The following TG variants were observed in gnomAD, a reference collection of about 807,000 sequenced individuals.
The protein encoded by TG is thyroglobulin, also known as thyroid hormones.
Under a neutral mutation model 324.7 loss-of-function variants are expected in TG, and 270 were observed. That is an observed-to-expected ratio of 0.83 (90% CI 0.75 to 0.92). The LOEUF (loss-of-function observed/expected upper bound fraction) is 0.92. Ranked by LOEUF, TG falls within the 40% of genes least tolerant of loss-of-function variation. TG has a pLI of 0.00. For missense variants in TG, 3,591 were observed against 3,456.4 expected, an observed-to-expected ratio of 1.04 and a Z score of -0.98; for synonymous variants, 1,401 against 1,327.0, an observed-to-expected ratio of 1.06 and a Z score of -1.21.
intron 34 of TG, among the ~76,000 whole-genome samples, chr8:132,973,757 T>C (rs1248185851): frequency 6.6e-6 from 1 of 152,084 alleles, no homozygotes; most frequent in Non-Finnish European, 1.5e-5. Flanking sequence ...ATGTCCCAGA[T>C]CCAAAAAGAT....
At chr8:132,959,865 T>C (rs554273743) in intron 27 of TG, among the ~76,000 whole-genome samples, 1 of 152,326 alleles carries the variant, frequency 6.6e-6, no homozygotes, top group African/African-American at 2.4e-5. Context: ...TTTGTTTTGT[T>C]TTAGGTTTTT....
intron 35 of TG, chr8:133,001,834 C>T: frequency 1.0e-6 from 1 of 985,490 alleles, no homozygotes; most frequent in Non-Finnish European, 1.2e-6. Context: ...TTCAGAATGT[C>T]ACGGTTTACC....
chr8:132,929,428 G>T (rs186179075), intron 23 of TG, among the ~76,000 whole-genome samples: 471 of 152,288 alleles, frequency 3.1e-3, no homozygotes, highest in South Asian at 0.012. Flanking sequence ...GAGTAGAAAT[G>T]AACAAAATTA....
chr8:132,917,352 G>A (rs974873179), intron 20 of TG, among the ~76,000 whole-genome samples: 2 of 151,696 alleles, frequency 1.3e-5, no homozygotes. Context: ...GCTCAGACAA[G>A]AGCAGACAGA....
At chr8:133,010,868 G>A (rs1834446152) in intron 35 of TG, among the ~76,000 whole-genome samples, 2 of 152,176 alleles carry the variant, frequency 1.3e-5, no homozygotes, top group African/African-American at 4.8e-5. Context: ...ACAGGACTAG[G>A]GAGGCAGCAC....
At chr8:132,919,628 T>C in intron 21 of TG, 103 bp downstream of exon 21, 1 of 1,531,988 alleles carries the variant, frequency 6.5e-7, no homozygotes, top group Non-Finnish European at 8.9e-7. Context: ...GGACAGATAA[T>C]TCTTTGTGCA....
chr8:133,075,315 G>C lies in TG; in HGVS notation c.7240-19729G>C, dbSNP rs73346752. 8.4e-3 allele frequency among the ~76,000 whole-genome samples: 1,279 copies of C among 152,264 alleles called. 24 individuals carry two copies. Among genetic ancestry groups the C allele is most frequent in the African/African-American group, 0.028 (1,180 of 41,528 alleles). On this transcript the variant is annotated intron_variant, in intron 41 of 47. Coordinates refer to ENST00000220616, the MANE Select transcript of TG (RefSeq NM_003235.5). ...CTGGGCCCACGAAGGCTGTGGCTAA[G>C]AGCTGCAGCTTCTCTGATTTCGGTT...
chr8:133,071,315 C>T (rs1442766169), intron 41 of TG, among the ~76,000 whole-genome samples: 2 of 152,160 alleles, frequency 1.3e-5, no homozygotes, highest in Non-Finnish European at 2.9e-5. Flanking sequence ...TCGGAGTTTG[C>T]CCAGCTGGAA....
intron 20 of TG, among the ~76,000 whole-genome samples, chr8:132,916,549 T>A (rs1820310936): frequency 6.6e-6 from 1 of 152,242 alleles, no homozygotes; most frequent in African/African-American, 2.4e-5. Flanking sequence ...CTCTGTGTCA[T>A]CCTGGAGGAG....
chr8:132,969,287 T>C (rs536182276), intron 31 of TG, among the ~76,000 whole-genome samples, 171 bp from the exon 32 acceptor site: 1 of 152,316 alleles, frequency 6.6e-6, no homozygotes, highest in East Asian at 1.9e-4. Flanking sequence ...TTTGTCCCTG[T>C]GGACTTGCCA....
intron 44 of TG, among the ~76,000 whole-genome samples, chr8:133,115,020 C>T (rs1850561545): frequency 6.6e-6 from 1 of 152,174 alleles, no homozygotes; most frequent in African/African-American, 2.4e-5. Flanking sequence ...CTGGGCTGGA[C>T]CATAAGAACT....
chr8:132,886,568 C>G lies in TG; in HGVS notation c.1196C>G (p.Pro399Arg). The G allele has an allele frequency of 1.2e-6, 2 of 1,614,218 alleles. No homozygotes were observed. Among genetic ancestry groups the G allele is most frequent in the Non-Finnish European group, 1.7e-6 (2 of 1,180,052 alleles). ...TCCCCAGAGAAAAGATGGGCCTCTC[C>G]AAGAGTAGCCAGATTTGCCACATCC... ...FSSPEKRWAS[P>R]RVARFATSCP... The change falls in exon 9 of 48, where the codon CCA becomes CGA. Residue 399 changes from proline (P) to arginine (R), a missense_variant. By Grantham distance (103) the Pro-to-Arg change is moderately radical. Coordinates refer to ENST00000220616, the MANE Select transcript of TG (RefSeq NM_003235.5).
At chr8:132,992,557 C>T (rs2130776945) in intron 35 of TG, among the ~76,000 whole-genome samples, 1 of 152,312 alleles carries the variant, frequency 6.6e-6, no homozygotes, top group South Asian at 2.1e-4. Context: ...TTTCATAGCA[C>T]TCATTCCACC....
intron 29 of TG, 65 bp from the exon 30 acceptor site, chr8:132,966,495 T>G: frequency 1.3e-6 from 2 of 1,581,928 alleles, no homozygotes; most frequent in Non-Finnish European, 8.7e-7. Context: ...TGTTTCTTTC[T>G]TGTGTTTTTC....
chr8:133,096,251 G>A lies in TG; in HGVS notation c.7450G>A (p.Asp2484Asn), dbSNP rs766152332. The A allele has an allele frequency of 1.1e-4, 179 of 1,614,088 alleles. 1 individual carries two copies. Among genetic ancestry groups the A allele is most frequent in the Middle Eastern group, 1.6e-4 (1 of 6,084 alleles). Residue 2484 changes from aspartate (D) to asparagine (N), a missense_variant, in exon 43 of 48, where the codon GAT (aspartate) becomes AAT (asparagine). Coordinates refer to ENST00000220616, the MANE Select transcript of TG (RefSeq NM_003235.5). ...TTTCCACTACTGGGGTCCTGTGATC[G>A]ATGGCCACTTCCTCCGTGAGCCTCC... ...GPFHYWGPVI[D>N]GHFLREPPAR...
Position 133,113,409 on chromosome 8 carries a change from T to A in TG, c.7573-13T>A. 1 of 1,613,522 alleles carries A rather than the reference T, an allele frequency of 6.2e-7. No homozygotes were observed. Among genetic ancestry groups the A allele is most frequent in the Non-Finnish European group, 8.5e-7 (1 of 1,179,570 alleles). On this transcript the variant is annotated splice_polypyrimidine_tract_variant and intron_variant, in intron 43 of 47. Coordinates refer to ENST00000220616, the MANE Select transcript of TG (RefSeq NM_003235.5). The stretch of plus-strand genomic sequence containing the variant: ...ATCCAACTGAGGAATTTCGTATCTT[T>A]TTTTTTTTCTAGCAATTTGAGGAAA...
At chr8:132,944,995 G>A (rs775209005) in intron 26 of TG, among the ~76,000 whole-genome samples, 12 of 152,176 alleles carry the variant, frequency 7.9e-5, no homozygotes, top group African/African-American at 2.4e-4. Flanking sequence ...TTTAAGGGGC[G>A]GGAGGGAGAG....
At chr8:132,942,707 A>G (rs983153787) in intron 26 of TG, among the ~76,000 whole-genome samples, 1 of 152,204 alleles carries the variant, frequency 6.6e-6, no homozygotes, top group African/African-American at 2.4e-5. Flanking sequence ...CAGGCTTGAG[A>G]ACTAGGCAGT....
At chr8:132,915,726 C>G (rs1217257192) in intron 20 of TG, among the ~76,000 whole-genome samples, 1 of 152,200 alleles carries the variant, frequency 6.6e-6, no homozygotes, top group East Asian at 1.9e-4. Context: ...TCTAATAAAA[C>G]TTTATTTACC....
Sources: gnomAD v4.1 joint callset for allele counts (sites outside exome capture counted in the v4.1 genomes callset) on GRCh38, gnomAD v4.1.1 for gene constraint, MANE v1.5 for transcripts, NCBI Gene and HGNC (gene_info 2026-07-23, HGNC 2026-07-21) for gene names.